SMIM9: variants seen among roughly 807,000 people sequenced by gnomAD.
The protein encoded by SMIM9 is chromosome X open reading frame 68.
In SMIM9, 8 loss-of-function variants were observed where a neutral mutation model predicts 7.2. That is an observed-to-expected ratio of 1.10 (90% CI 0.65 to 1.99). SMIM9 has a LOEUF of 1.99. SMIM9 is among the 30% of genes most tolerant of loss of function. The probability of loss-of-function intolerance (pLI) is 0.00; values close to 1 mark genes in which losing one functional copy is unlikely to be tolerated. For missense variants in SMIM9, 76 were observed against 69.3 expected, an observed-to-expected ratio of 1.10 and a Z score of -0.34; for synonymous variants, 19 against 26.4, an observed-to-expected ratio of 0.72 and a Z score of 0.86.
chrX:154,831,833 T>C (rs2072446985), intron 2 of SMIM9, among the ~76,000 whole-genome samples: 1 of 111,287 alleles, frequency 9.0e-6, no homozygotes, highest in South Asian at 3.7e-4. Context: ...TCCTCACCTC[T>C]GTCAGGTACT....
intron 3 of SMIM9, chrX:154,830,465 G>A: frequency 3.8e-6 from 1 of 263,546 alleles, no homozygotes; most frequent in Non-Finnish European, 6.7e-6. Context: ...GGCATCTATG[G>A]CTTTGTCTGC....
At position 154,823,599 on chromosome X, in the gene SMIM9, T is replaced by G; in HGVS notation, c.*156A>C. ...TATTCACATTTTAAAATTGCAACTT[T>G]TGAAGGAGAAAATGAAGGCAAAGGA... On this transcript the variant is annotated 3_prime_UTR_variant, in exon 5 of 5. Transcript: ENST00000369529. 1 of 463,913 alleles carries G rather than the reference T, an allele frequency of 2.2e-6. No homozygotes were observed. Among genetic ancestry groups the G allele is most frequent in the Non-Finnish European group, 3.3e-6 (1 of 300,186 alleles). 38.2% of individuals were successfully genotyped at this position (463,913 alleles called of 1,213,427 possible). A position where few individuals can be genotyped will look rare whatever the true frequency, so the allele number is the denominator to read the frequency against.
At chrX:154,829,413 T>C (rs1349738964) in intron 4 of SMIM9, 122 bp downstream of exon 4, 5 of 869,813 alleles carry the variant, frequency 5.7e-6, no homozygotes, top group Non-Finnish European at 7.8e-6. Flanking sequence ...CCTCCCAGAA[T>C]TGAATTTCTT....
At chrX:154,830,327 G>T (rs2072439164) in intron 3 of SMIM9, among the ~76,000 whole-genome samples, 1 of 111,740 alleles carries the variant, frequency 8.9e-6, no homozygotes, top group South Asian at 3.8e-4. Flanking sequence ...CTAGATTGTG[G>T]ATCAGTGGAC....
At chrX:154,826,419 T>A (rs902516425) in intron 4 of SMIM9, among the ~76,000 whole-genome samples, 44 of 111,544 alleles carry the variant, frequency 3.9e-4, no homozygotes, top group African/African-American at 1.4e-3. Flanking sequence ...TTTCTGCATA[T>A]AGCATTTACT....
At chrX:154,825,876 C>T (rs1213467452) in intron 4 of SMIM9, among the ~76,000 whole-genome samples, 1 of 99,013 alleles carries the variant, frequency 1.0e-5, no homozygotes, top group Admixed American at 1.2e-4. Context: ...ACAATGAGAA[C>T]ACATGGACAC....
intron 4 of SMIM9, among the ~76,000 whole-genome samples, chrX:154,824,286 G>A (rs2072410174): frequency 9.5e-6 from 1 of 104,779 alleles, no homozygotes. Context: ...GAACCCGGAG[G>A]CGGAGCTTGC....
intron 4 of SMIM9, 46 bp downstream of exon 4, chrX:154,829,489 C>T (rs2072435126): frequency 8.7e-6 from 10 of 1,156,046 alleles, no homozygotes; most frequent in Non-Finnish European, 1.2e-5. Flanking sequence ...CACCCCCCTT[C>T]ACATTCCCTC....
At position 154,823,642 on chromosome X, in the gene SMIM9, C is replaced by A; in HGVS notation, c.*113G>T. On this transcript the variant is annotated 3_prime_UTR_variant, in exon 5 of 5. Transcript: ENST00000369529. The stretch of plus-strand genomic sequence containing the variant: ...GCAAAGGATGATTCAAGTTGGAAGA[C>A]GATTTAATTTCAACTGATAGATACT... 1.5e-6 allele frequency: 1 copy of A among 668,849 alleles called. No homozygotes were observed. The allele number at this position is 668,849 out of a possible 1,213,427, so 55.1% of individuals were successfully genotyped here.
intron 4 of SMIM9, among the ~76,000 whole-genome samples, chrX:154,828,055 C>G (rs1435034293): frequency 1.8e-5 from 2 of 111,728 alleles, no homozygotes; most frequent in African/African-American, 6.5e-5. Flanking sequence ...TTTCTCCCTT[C>G]CACCCCCTAT....
chrX:154,828,057 AC>A (rs1349603600), intron 4 of SMIM9, among the ~76,000 whole-genome samples: 2 of 110,569 alleles, frequency 1.8e-5, no homozygotes, highest in Admixed American at 9.6e-5. Context: ...TCTCCCTTCC[AC>A]CCCCTATCTT....
At chrX:154,832,475 A>T (rs1557270658) in intron 2 of SMIM9, 99 bp downstream of exon 2, 1 of 112,083 alleles carries the variant, frequency 8.9e-6, no homozygotes, top group African/African-American at 3.2e-5. Flanking sequence ...GAGCCATTAT[A>T]ATTTGGGCCT....
intron 4 of SMIM9, among the ~76,000 whole-genome samples, chrX:154,827,140 C>A (rs782322200): frequency 8.9e-6 from 1 of 112,451 alleles, no homozygotes; most frequent in African/African-American, 3.2e-5. Context: ...GGCATATTGC[C>A]TGCTTTATCT....
At chrX:154,832,321 T>C (rs1057182323) in intron 2 of SMIM9, among the ~76,000 whole-genome samples, 1 of 111,913 alleles carries the variant, frequency 8.9e-6, no homozygotes, top group Non-Finnish European at 1.9e-5. Context: ...AAAGAGATGG[T>C]GCTACCATTT....
intron 4 of SMIM9, among the ~76,000 whole-genome samples, chrX:154,828,543 G>A (rs782412951): frequency 9.0e-6 from 1 of 111,447 alleles, no homozygotes; most frequent in African/African-American, 3.3e-5. Flanking sequence ...GCAAATGTTG[G>A]GACCTTCGAA....
At chrX:154,824,263 A>G (rs1479710098) in intron 4 of SMIM9, among the ~76,000 whole-genome samples, 1 of 102,469 alleles carries the variant, frequency 9.8e-6, no homozygotes, top group Non-Finnish European at 2.0e-5. Context: ...AGGCTGAGGC[A>G]GGAGAATGGC....
intron 1 of SMIM9, among the ~76,000 whole-genome samples, chrX:154,833,903 T>C (rs2072455842): frequency 8.9e-6 from 1 of 112,354 alleles, no homozygotes; most frequent in African/African-American, 3.2e-5. Context: ...AAAGTTTTTG[T>C]AGAGTCCTCC....
chrX:154,834,025 G>A (rs782670175), intron 1 of SMIM9, among the ~76,000 whole-genome samples: 1 of 111,923 alleles, frequency 8.9e-6, no homozygotes, highest in African/African-American at 3.2e-5. Flanking sequence ...ACATTCCCAG[G>A]CGCTGATAAA....
intron 4 of SMIM9, among the ~76,000 whole-genome samples, 190 bp downstream of exon 4, chrX:154,829,345 G>A (rs1175876587): frequency 1.8e-5 from 2 of 112,146 alleles, no homozygotes; most frequent in African/African-American, 6.5e-5. Flanking sequence ...GCAAGTTGGA[G>A]GAAGTAAAAG....
Sources: allele counts gnomAD v4.1 joint callset (sites outside exome capture counted in the v4.1 genomes callset), GRCh38; gene constraint gnomAD v4.1.1; transcripts MANE v1.5; gene names NCBI Gene and HGNC (gene_info 2026-07-23, HGNC 2026-07-21).